Variants in ADAMTS9 observed in about 807,000 individuals in gnomAD.
ADAMTS9 encodes the protein ADAM metallopeptidase with thrombospondin type 1 motif 9, also known as A disintegrin and metalloproteinase with thrombospondin motifs 9.
ADAMTS9 carries 107 observed loss-of-function variants against 257.1 expected under a neutral mutation model. That is an observed-to-expected ratio of 0.42 (90% confidence interval 0.36 to 0.49). The LOEUF is 0.49. Among genes scored for constraint, ADAMTS9 ranks in the 20% least tolerant of loss-of-function variants. The pLI, the probability that ADAMTS9 is intolerant of heterozygous loss-of-function variation, is 0.03. For synonymous variants in ADAMTS9, 982 were observed against 880.9 expected (o/e 1.11, Z -2.03); for missense variants, 2,353 against 2,469.1 (o/e 0.95, Z 1.00).
Position 64,516,310 on chromosome 3 carries a change from T to C in ADAMTS9, c.*817A>G, listed in dbSNP as rs2082774235. 1 of 152,510 alleles carries C rather than the reference T, an allele frequency of 6.6e-6. No individual in the cohort carries two copies. Among genetic ancestry groups the C allele is most frequent in the Non-Finnish European group, 1.5e-5 (1 of 68,004 alleles). 9.4% of individuals were successfully genotyped at this position (152,510 alleles called of 1,614,324 possible). ...GCTTGGGGGATCCTCCATTTGATTG[T>C]GGAGAGACCAAGGCACCGTGGGCTG... On this transcript the variant is annotated 3_prime_UTR_variant, in exon 40 of 40. Coordinates refer to ENST00000498707, the MANE Select transcript of ADAMTS9 (RefSeq NM_182920.2).
rs778325427 is a variant in ADAMTS9, at chr3:64,622,493, T to G, written c.2483A>C (p.Glu828Ala). The G allele has an allele frequency of 6.2e-7, 1 of 1,614,160 alleles. No homozygotes were observed. The stretch of plus-strand genomic sequence containing the variant: ...TACGGCAGTCTCGGACCCACTGTAC[T>G]CTACCACAGCATTCCCAATGCGAAT... ...REIRIGNAVV[E>A]YSGSETAVER... Residue 828 changes from glutamate (E) to alanine (A), a missense_variant, in exon 17 of 40, where the codon GAG (glutamate) becomes GCG (alanine). This residue lies in a region of ADAMTS9 where 1,402 missense variants were observed against 1,441.4 expected (regional missense o/e 0.97). Transcript: ENST00000498707.
intron 16 of ADAMTS9, among the ~76,000 whole-genome samples, chr3:64,630,992 T>C (rs533275571): frequency 5.3e-5 from 8 of 152,312 alleles, no homozygotes; most frequent in Non-Finnish European, 1.2e-4. Context: ...ATAGAAACTT[T>C]TGCAACGAAC....
chr3:64,671,100 A>T (rs1245497468), intron 3 of ADAMTS9, among the ~76,000 whole-genome samples: 2 of 152,232 alleles, frequency 1.3e-5, no homozygotes, highest in African/African-American at 4.8e-5. Flanking sequence ...AAATGTTTAT[A>T]GTGGCTTTAT....
rs746503988 is a variant in ADAMTS9, at chr3:64,633,460, T to C, written c.2175+12A>G. ...GGAAAACACAGTGAAGAAAACACCA[T>C]CAAGGACTTACCCGGCAAAGGCCCT... On this transcript the variant is annotated intron_variant, in intron 14 of 39. Transcript: ENST00000498707. 1.2e-6 allele frequency: 2 copies of C among 1,613,712 alleles called. No individual in the cohort carries two copies. Among genetic ancestry groups the C allele is most frequent in the Non-Finnish European group, 8.5e-7 (1 of 1,179,846 alleles).
Position 64,538,578 on chromosome 3 carries a change from ATAC to A in ADAMTS9, c.5613+622_5613+624del, listed in dbSNP as rs553128215. Reference sequence around the variant, plus strand: ...ATTAAAAGAAAATACAGATGGGATCATACTGCATGTAGTGTTTTGCATCTTGTT... The same window carrying A: ...ATTAAAAGAAAATACAGATGGGATCATGCATGTAGTGTTTTGCATCTTGTT... On this transcript the variant is annotated intron_variant, in intron 37 of 39. Transcript: ENST00000498707. Among the ~76,000 whole-genome samples, 17 of 151,758 alleles carry A rather than the reference ATAC, an allele frequency of 1.1e-4. No homozygotes were observed. The South Asian group carries it at 3.5e-3, about 32-fold the overall frequency.
At chr3:64,528,665 T>G (rs1295883520) in intron 38 of ADAMTS9, among the ~76,000 whole-genome samples, 1 of 152,176 alleles carries the variant, frequency 6.6e-6, no homozygotes, top group Non-Finnish European at 1.5e-5. Flanking sequence ...CTTAGTCACC[T>G]TGGCCAACTT....
At chr3:64,572,843 G>T (rs1469926880) in intron 28 of ADAMTS9, among the ~76,000 whole-genome samples, 1 of 152,030 alleles carries the variant, frequency 6.6e-6, no homozygotes, top group African/African-American at 2.4e-5. Context: ...ACTTTGGGAG[G>T]CCGAGGCAGG....
rs1559744747 is a variant in ADAMTS9, at chr3:64,522,248, C to T, written c.5731G>A (p.Val1911Ile). Reference sequence around the variant, plus strand: ...CAGTAACCACCGCATTTCCCTACGACTCGGGTACCATCCTGCAAGGAGATG... The same window carrying T: ...CAGTAACCACCGCATTTCCCTACGATTCGGGTACCATCCTGCAAGGAGATG... The part of the protein sequence containing the change: ...DIKKSPDGTR[V>I]VGKCGGYCGK... The change falls in exon 39 of 40, where the codon GTC becomes ATC. Residue 1911 changes from valine to isoleucine, a missense_variant. Coordinates refer to ENST00000498707, the MANE Select transcript of ADAMTS9 (RefSeq NM_182920.2). 1 of 1,614,032 alleles carries T rather than the reference C, an allele frequency of 6.2e-7. No homozygotes were observed. The highest frequency in any genetic ancestry group is 2.2e-5 in the East Asian group (1 of 44,870).
intron 30 of ADAMTS9, among the ~76,000 whole-genome samples, chr3:64,556,433 A>G (rs2083334067): frequency 1.3e-5 from 2 of 152,018 alleles, no homozygotes; most frequent in Non-Finnish European, 2.9e-5. Context: ...CAATCCTCTC[A>G]CTTCAGCCTC....
In ADAMTS9 at chr3:64,546,901, C is replaced by G. The variant is rs1032015412; in HGVS notation, c.4921G>C (p.Glu1641Gln). Reference protein sequence around the residue: ...GYKQRLVSCSEIYTGKENYEY... With the variant: ...GYKQRLVSCSQIYTGKENYEY... The stretch of plus-strand genomic sequence containing the variant: ...TAATTCTCCTTCCCGGTGTAAATCT[C>G]GCTGCACGAGACAAGCCTTTGTTTG... Residue 1641 changes from glutamate to glutamine, a missense_variant, in exon 32 of 40, where the codon GAG becomes CAG. Transcript: ENST00000498707. 6.2e-7 allele frequency: 1 copy of G among 1,613,904 alleles called. No homozygotes were observed. The highest frequency in any genetic ancestry group is 8.5e-7 in the Non-Finnish European group (1 of 1,179,894).
chr3:64,552,955 C>A (rs1033141169), intron 30 of ADAMTS9, among the ~76,000 whole-genome samples: 4 of 152,150 alleles, frequency 2.6e-5, no homozygotes, highest in African/African-American at 9.6e-5. Flanking sequence ...TCCTTTTATC[C>A]CTGCCTTGCC....
chr3:64,604,053 A>G lies in ADAMTS9; in HGVS notation c.3616T>C (p.Tyr1206His), dbSNP rs1012487803. The G allele has an allele frequency of 1.9e-6, 3 of 1,614,010 alleles. No individual in the cohort carries two copies. Among genetic ancestry groups the G allele is most frequent in the Non-Finnish European group, 2.5e-6 (3 of 1,180,018 alleles). Residue 1206 changes from tyrosine (Y) to histidine (H), a missense_variant, in exon 25 of 40, where the codon TAC becomes CAC. By Grantham distance (83) the Tyr-to-His change is moderately conservative. This residue lies in a region of ADAMTS9 where 1,402 missense variants were observed against 1,441.4 expected (regional missense o/e 0.97). Coordinates refer to ENST00000498707, the MANE Select transcript of ADAMTS9 (RefSeq NM_182920.2). ...CCATTCTCATCTCGGCAGCTGACGT[A>G]TCTCATCCGGGTACCTTTCCCACAA... ...ATCGKGTRMRYVSCRDENGSV... is the reference protein window; with the variant it reads ...ATCGKGTRMRHVSCRDENGSV...
At chr3:64,594,879 C>G (rs1353604965) in intron 27 of ADAMTS9, among the ~76,000 whole-genome samples, 1 of 152,064 alleles carries the variant, frequency 6.6e-6, no homozygotes, top group African/African-American at 2.4e-5. Context: ...CTCCGCCTCC[C>G]AGGTTCAAGT....
chr3:64,608,671 C>T (rs1249453302), intron 22 of ADAMTS9, among the ~76,000 whole-genome samples: 1 of 151,924 alleles, frequency 6.6e-6, no homozygotes, highest in East Asian at 1.9e-4. Flanking sequence ...AAAGTTTGTA[C>T]CAGTTCACTC....
At chr3:64,539,495 G>C (rs11130968) in intron 36 of ADAMTS9, among the ~76,000 whole-genome samples, 4 of 151,720 alleles carry the variant, frequency 2.6e-5, no homozygotes, top group African/African-American at 9.7e-5. Context: ...GTGGTTCTGC[G>C]AGCTTCATTC....
chr3:64,675,051 G>A (rs1701592863), intron 3 of ADAMTS9, among the ~76,000 whole-genome samples: 1 of 152,044 alleles, frequency 6.6e-6, no homozygotes, highest in Non-Finnish European at 1.5e-5. Flanking sequence ...ATTCCTGCCA[G>A]CAAAAATAAT....
intron 28 of ADAMTS9, among the ~76,000 whole-genome samples, chr3:64,590,237 T>A (rs1228669497): frequency 6.6e-6 from 1 of 152,176 alleles, no homozygotes; most frequent in Non-Finnish European, 1.5e-5. Context: ...TTAAAATACA[T>A]ACTTGAAGCT....
intron 28 of ADAMTS9, among the ~76,000 whole-genome samples, chr3:64,577,853 T>C (rs1421853222): frequency 6.6e-6 from 1 of 152,174 alleles, no homozygotes; most frequent in African/African-American, 2.4e-5. Flanking sequence ...ACTATCTATG[T>C]GTCAACAAGT....
intron 26 of ADAMTS9, among the ~76,000 whole-genome samples, chr3:64,600,051 C>CTT (rs35753372): frequency 0.24 from 25,211 of 103,782 alleles, 3,183 homozygotes; most frequent in Admixed American, 0.31. Flanking sequence ...AGTTTCTGTT[C>CTT]TTTTTTTTTT....
Sources: gnomAD v4.1 joint callset for allele counts (sites outside exome capture counted in the v4.1 genomes callset) on GRCh38, gnomAD v4.1.1 for gene constraint, gnomAD v4.1.1 regional missense constraint, MANE v1.5 for transcripts, NCBI Gene and HGNC (gene_info 2026-07-23, HGNC 2026-07-21) for gene names.